Variants in GRB10 observed in about 807,000 individuals in gnomAD.
GRB10 encodes growth factor receptor-bound protein 10.
GRB10 carries 20 observed loss-of-function variants against 80.9 expected under a neutral mutation model. That is an observed-to-expected ratio of 0.25 (90% confidence interval 0.17 to 0.36). GRB10 has a LOEUF of 0.36. Among genes scored for constraint, GRB10 ranks in the 10% least tolerant of loss-of-function variants. GRB10 has a pLI of 1.00. For missense variants in GRB10, 548 were observed against 747.7 expected (o/e 0.73, Z 3.12); for synonymous variants, 291 against 291.5 (o/e 1.00, Z 0.02).
intron 7 of GRB10, among the ~76,000 whole-genome samples, chr7:50,669,366 G>C (rs1174467216): frequency 2.0e-5 from 3 of 152,192 alleles, no homozygotes; most frequent in Admixed American, 6.5e-5. Context: ...CACAGCAGGA[G>C]TGGGAGCAAG....
chr7:50,782,487 G>C lies in GRB10; in HGVS notation c.-390C>G, dbSNP rs1348625121. 1 of 149,768 alleles carries C rather than the reference G, an allele frequency of 6.7e-6. No homozygotes were observed. Among genetic ancestry groups the C allele is most frequent in the Non-Finnish European group, 1.5e-5 (1 of 67,136 alleles). 9.3% of individuals were successfully genotyped at this position (149,768 alleles called of 1,614,324 possible). ...TGCGTGTGCGCCGCCGGCCCGGGTA[G>C]GGCTTCGGGGCCCGGCCCCCGCAGT... On this transcript the variant is annotated 5_prime_UTR_variant, in exon 1 of 19. Coordinates refer to ENST00000401949, the MANE Select transcript of GRB10 (RefSeq NM_001350814.2). The surrounding 1 kb of genome is among the most constrained non-coding windows in gnomAD (Gnocchi z 6.6).
Position 50,690,156 on chromosome 7 carries a change from C to T in GRB10, c.139+13665G>A, listed in dbSNP as rs1056025647. 5.6e-4 allele frequency among the ~76,000 whole-genome samples: 85 copies of T among 151,936 alleles called. 4 individuals carry two copies. Among genetic ancestry groups the T allele is most frequent in the Non-Finnish European group, 1.3e-4 (9 of 67,964 alleles). On this transcript the variant is annotated intron_variant, in intron 5 of 18. Coordinates refer to ENST00000401949, the MANE Select transcript of GRB10 (RefSeq NM_001350814.2). ...TACTAAAAGTACAAAATTAGCTGGG[C>T]GTGGTGGTGCATGCTTGTAGTCCCA...
intron 2 of GRB10, among the ~76,000 whole-genome samples, chr7:50,773,069 C>T (rs1029798336): frequency 4.6e-5 from 7 of 152,042 alleles, no homozygotes; most frequent in Admixed American, 2.0e-4. Context: ...AAAATCATGA[C>T]AGAAGGTGAA....
chr7:50,668,692 GT>G (rs1296647668), intron 7 of GRB10, among the ~76,000 whole-genome samples: 1 of 152,272 alleles, frequency 6.6e-6, no homozygotes, highest in Non-Finnish European at 1.5e-5. Context: ...TGGCGCAGTT[GT>G]TCTAATGATC....
chr7:50,708,200 G>C (rs891322653), intron 4 of GRB10, among the ~76,000 whole-genome samples: 1 of 152,190 alleles, frequency 6.6e-6, no homozygotes, highest in Non-Finnish European at 1.5e-5. Context: ...TGACAGGCCT[G>C]CATGACAAAG....
intron 1 of GRB10, among the ~76,000 whole-genome samples, chr7:50,781,823 T>C (rs951057585): frequency 2.0e-5 from 3 of 152,212 alleles, no homozygotes; most frequent in African/African-American, 7.2e-5. Flanking sequence ...ACGAACCCCA[T>C]GCCCACATCT....
intron 3 of GRB10, among the ~76,000 whole-genome samples, chr7:50,745,241 A>C (rs2072693301): frequency 6.6e-6 from 1 of 152,202 alleles, no homozygotes; most frequent in Admixed American, 6.5e-5. Flanking sequence ...GTATTACTTA[A>C]ATATAGATTT....
rs57586871 is a variant in GRB10 at position 50,701,435 on chromosome 7, T to C, written c.139+2386A>G. On this transcript the variant is annotated intron_variant, in intron 5 of 18. Coordinates refer to ENST00000401949, the MANE Select transcript of GRB10 (RefSeq NM_001350814.2). Reference sequence around the variant, plus strand: ...AGCAAGGACCTATCTCTACAAAATTTTTAAAACTAGCTGGGAGTAGTGGCG... The same window carrying C: ...AGCAAGGACCTATCTCTACAAAATTCTTAAAACTAGCTGGGAGTAGTGGCG... Among the ~76,000 whole-genome samples the C allele has an allele frequency of 5.3e-3, 804 of 152,110 alleles. 8 individuals carry two copies. Among genetic ancestry groups the C allele is most frequent in the African/African-American group, 0.018 (758 of 41,492 alleles).
chr7:50,715,902 C>T (rs1041149584), intron 4 of GRB10, among the ~76,000 whole-genome samples: 2 of 152,184 alleles, frequency 1.3e-5, no homozygotes, highest in Non-Finnish European at 2.9e-5. Flanking sequence ...CATGACGCAG[C>T]CCTACTAGTG....
chr7:50,728,456 A>T (rs575130956), intron 4 of GRB10, among the ~76,000 whole-genome samples: 1 of 152,292 alleles, frequency 6.6e-6, no homozygotes, highest in African/African-American at 2.4e-5. Flanking sequence ...ATGAAGTCTC[A>T]TCTGAGGACT....
chr7:50,739,114 C>T (rs1283052573), intron 3 of GRB10, among the ~76,000 whole-genome samples: 2 of 152,090 alleles, frequency 1.3e-5, no homozygotes, highest in Admixed American at 1.3e-4. Context: ...CTTAACAATG[C>T]CAATATTTAC....
At chr7:50,656,484 C>T (rs2058662210) in intron 7 of GRB10, among the ~76,000 whole-genome samples, 1 of 152,230 alleles carries the variant, frequency 6.6e-6, no homozygotes, top group African/African-American at 2.4e-5. Flanking sequence ...CTCTCTTCTT[C>T]CTTCATCCCT....
intron 7 of GRB10, among the ~76,000 whole-genome samples, chr7:50,667,579 G>A (rs1467421379): frequency 6.6e-6 from 1 of 151,318 alleles, no homozygotes; most frequent in African/African-American, 2.4e-5. Context: ...ACTTGCTACC[G>A]ACTGCACTGA....
intron 1 of GRB10, among the ~76,000 whole-genome samples, chr7:50,790,664 C>T (rs1023430317): frequency 5.3e-5 from 8 of 152,246 alleles, no homozygotes; most frequent in African/African-American, 1.9e-4. Context: ...ATACATTCTA[C>T]GATCCCGTAG....
At chr7:50,725,512 A>G (rs2068499698) in intron 4 of GRB10, among the ~76,000 whole-genome samples, 1 of 152,230 alleles carries the variant, frequency 6.6e-6, no homozygotes, top group Non-Finnish European at 1.5e-5. Flanking sequence ...TTGTAGGTCT[A>G]GTAGAAACTT....
At chr7:50,712,562 A>G (rs2066057617) in intron 4 of GRB10, among the ~76,000 whole-genome samples, 2 of 152,258 alleles carry the variant, frequency 1.3e-5, no homozygotes, top group Non-Finnish European at 2.9e-5. Context: ...GGCAGGGAAA[A>G]TACCACCACA....
chr7:50,592,878 T>C lies in GRB10; in HGVS notation c.*74A>G. 6 of 1,534,072 alleles carry C rather than the reference T, an allele frequency of 3.9e-6. No homozygotes were observed. The highest frequency in any genetic ancestry group is 1.1e-5 in the South Asian group (1 of 89,264). The stretch of plus-strand genomic sequence containing the variant: ...CCAGGTGCAGAATCGATGTGTGTTC[T>C]TCACCAACGCACAGACCGCTTCTTC... On this transcript the variant is annotated 3_prime_UTR_variant, in exon 19 of 19. Coordinates refer to ENST00000401949, the MANE Select transcript of GRB10 (RefSeq NM_001350814.2).
intron 8 of GRB10, among the ~76,000 whole-genome samples, 172 bp from the exon 9 acceptor site, chr7:50,619,457 A>G (rs578097879): frequency 2.8e-4 from 42 of 152,406 alleles, no homozygotes; most frequent in Middle Eastern, 3.4e-3. Flanking sequence ...TACCAAATGC[A>G]TAAGAGGTCT....
chr7:50,760,493 T>C (rs2075640445), intron 2 of GRB10, among the ~76,000 whole-genome samples: 1 of 152,218 alleles, frequency 6.6e-6, no homozygotes, highest in South Asian at 2.1e-4. Context: ...AGTATGTATC[T>C]ATCTAAATTC....
Sources: gnomAD v4.1 joint callset for allele counts (sites outside exome capture counted in the v4.1 genomes callset) on GRCh38, gnomAD v4.1.1 for gene constraint, Gnocchi (gnomAD v3.1) non-coding constraint, MANE v1.5 for transcripts, NCBI Gene and HGNC (gene_info 2026-07-23, HGNC 2026-07-21) for gene names.